Variants in PCDH9 observed in about 807,000 individuals in gnomAD.
PCDH9 encodes protocadherin-9.
Under a neutral mutation model 70.6 loss-of-function variants are expected in PCDH9, and 24 were observed. The observed-to-expected ratio is 0.34, with a 90% CI of 0.25 to 0.48. PCDH9 has a LOEUF of 0.48. PCDH9 is among the 20% of genes least tolerant of loss of function. PCDH9 has a pLI of 0.99. For synonymous variants in PCDH9, 562 were observed against 558.5 expected, an observed-to-expected ratio of 1.01 and a Z score of -0.09; for missense variants, 1,281 against 1,503.6, an observed-to-expected ratio of 0.85 and a Z score of 2.45.
intron 4 of PCDH9, among the ~76,000 whole-genome samples, chr13:66,361,528 T>A (rs1275093960): frequency 6.6e-6 from 1 of 152,122 alleles, no homozygotes; most frequent in Admixed American, 6.6e-5. Flanking sequence ...AACAGGATTT[T>A]TTTTCTAAGA....
At chr13:66,438,486 A>C (rs937493052) in intron 4 of PCDH9, among the ~76,000 whole-genome samples, 5 of 152,174 alleles carry the variant, frequency 3.3e-5, no homozygotes, top group African/African-American at 1.2e-4. Flanking sequence ...TATTTGAATC[A>C]CATTTCTAGG....
intron 3 of PCDH9, among the ~76,000 whole-genome samples, chr13:66,817,883 C>T (rs2080636958): frequency 6.6e-6 from 1 of 152,156 alleles, no homozygotes; most frequent in Admixed American, 6.5e-5. Flanking sequence ...TGGCCTTTGC[C>T]TTCCAAAGTG....
At position 66,481,761 on chromosome 13, in the gene PCDH9, T is replaced by G. The variant is rs117943183; in HGVS notation, c.3340+149449A>C. On this transcript the variant is annotated intron_variant, in intron 4 of 4. Coordinates refer to ENST00000377865, the MANE Select transcript of PCDH9 (RefSeq NM_203487.3). ...TAGTTGTAGATCTAATTACAAATAT[T>G]CTGTCTTTGAGAAAATAATTGACAA... is the stretch of plus-strand genomic sequence containing the variant. 4.5e-3 allele frequency among the ~76,000 whole-genome samples: 692 copies of G among 152,220 alleles called. 28 individuals carry two copies. The East Asian group carries it at 0.088, about 19-fold the overall frequency.
chr13:66,884,698 A>G (rs2081979355), intron 3 of PCDH9, among the ~76,000 whole-genome samples: 1 of 152,232 alleles, frequency 6.6e-6, no homozygotes, highest in South Asian at 2.1e-4. Flanking sequence ...GTATTCAAAT[A>G]GAAGAGATAC....
In PCDH9 at chr13:67,226,854, T is replaced by A; in HGVS notation, c.1587A>T (p.Val529=). 1 of 1,614,214 alleles carries A rather than the reference T, an allele frequency of 6.2e-7. No homozygotes were observed. The highest frequency in any genetic ancestry group is 8.5e-7 in the Non-Finnish European group (1 of 1,180,030). ...RKTGVLTASR[V]FDREEQERFI... is the part of the protein sequence containing the mutation. ...ATCGTTCTTGTTCTTCTCTGTCAAA[T>A]ACTCTGGAGGCTGTCAAAACTCCTG... The change falls in exon 2 of 5, where the codon GTA becomes GTT. Residue 529 remains valine (V), a synonymous_variant. Coordinates refer to ENST00000377865, the MANE Select transcript of PCDH9 (RefSeq NM_203487.3). This position sits in a 1 kb window ranked among gnomAD's most constrained non-coding sequence, Gnocchi z 5.0.
At chr13:66,561,733 G>A (rs1962048276) in intron 4 of PCDH9, among the ~76,000 whole-genome samples, 1 of 152,004 alleles carries the variant, frequency 6.6e-6, no homozygotes, top group Non-Finnish European at 1.5e-5. Context: ...GTTGTGTCTA[G>A]CTCAGGGATT....
At chr13:66,738,512 G>A (rs751491435) in intron 3 of PCDH9, among the ~76,000 whole-genome samples, 1,905 of 142,976 alleles carry the variant, frequency 0.013, 25 homozygotes, top group Non-Finnish European at 0.017. Context: ...GACGAGCTGA[G>A]AGAAGAAGGC....
intron 2 of PCDH9, among the ~76,000 whole-genome samples, chr13:67,199,496 C>A (rs889422848): frequency 7.3e-5 from 11 of 151,662 alleles, no homozygotes; most frequent in Non-Finnish European, 1.5e-4. Flanking sequence ...AATTAAGTGA[C>A]GAACATTATT....
At chr13:66,790,341 C>A (rs7330210) in intron 3 of PCDH9, among the ~76,000 whole-genome samples, 1,730 of 152,106 alleles carry the variant, frequency 0.011, 32 homozygotes, top group African/African-American at 0.04. Flanking sequence ...GGATAGTAAT[C>A]ATTCATGAGT....
At chr13:66,745,203 T>A (rs1465487364) in intron 3 of PCDH9, among the ~76,000 whole-genome samples, 1 of 152,176 alleles carries the variant, frequency 6.6e-6, no homozygotes, top group Non-Finnish European at 1.5e-5. Context: ...CTACCGAGTA[T>A]TGTTGTTGAT....
rs112052964 is a variant in PCDH9 at position 67,172,222 on chromosome 13, C to T, written c.3036+53183G>A. Among the ~76,000 whole-genome samples the T allele has an allele frequency of 8.1e-3, 1,240 of 152,236 alleles. 12 individuals carry two copies. The highest frequency in any genetic ancestry group is 0.027 in the African/African-American group (1,116 of 41,550). ...ACTATATCTAGCATGATTGTTCTCA[C>T]GGCATCCCCTGGGAGAAAGTAGAAC... On this transcript the variant is annotated intron_variant, in intron 2 of 4. Coordinates refer to ENST00000377865, the MANE Select transcript of PCDH9 (RefSeq NM_203487.3).
chr13:66,372,334 A>G (rs1593873607), intron 4 of PCDH9, among the ~76,000 whole-genome samples: 1 of 151,912 alleles, frequency 6.6e-6, no homozygotes, highest in East Asian at 1.9e-4. Flanking sequence ...ATGGTTTCAG[A>G]ATTCTATCTG....
rs141600429 is a variant in PCDH9, at chr13:66,799,604, A to G, written c.3138+103900T>C. Among the ~76,000 whole-genome samples, 443 of 152,330 alleles carry G rather than the reference A, an allele frequency of 2.9e-3. 8 individuals are homozygous for G. The highest frequency in any genetic ancestry group is 0.025 in the Admixed American group (383 of 15,294). On this transcript the variant is annotated intron_variant, in intron 3 of 4. Transcript: ENST00000377865. ...ATAAGTTATTCTCAGAGAATAAGAAATGTCTATATATTGTCTGTTTTGAGC... is the reference window on the plus strand; with the variant it reads ...ATAAGTTATTCTCAGAGAATAAGAAGTGTCTATATATTGTCTGTTTTGAGC...
intron 3 of PCDH9, among the ~76,000 whole-genome samples, chr13:66,756,441 T>A (rs1040976376): frequency 1.1e-4 from 17 of 152,176 alleles, no homozygotes; most frequent in Non-Finnish European, 2.2e-4. Flanking sequence ...AATTAAAGAC[T>A]GCAAGGAGAT....
intron 4 of PCDH9, among the ~76,000 whole-genome samples, chr13:66,515,969 G>A (rs1352834620): frequency 6.6e-6 from 1 of 151,810 alleles, no homozygotes; most frequent in Non-Finnish European, 1.5e-5. Flanking sequence ...AGTTTACAAG[G>A]GAACATCTTT....
intron 2 of PCDH9, among the ~76,000 whole-genome samples, chr13:67,022,237 C>T (rs1418364290): frequency 6.7e-6 from 1 of 148,714 alleles, no homozygotes; most frequent in Non-Finnish European, 1.5e-5. Context: ...GTTCTCCTCA[C>T]TCAGCCTCCC....
At chr13:66,620,767 A>T (rs965802667) in intron 4 of PCDH9, among the ~76,000 whole-genome samples, 1 of 152,118 alleles carries the variant, frequency 6.6e-6, no homozygotes, top group Non-Finnish European at 1.5e-5. Flanking sequence ...ATAGAACAAA[A>T]TTGCAAAACA....
intron 4 of PCDH9, among the ~76,000 whole-genome samples, chr13:66,556,013 AAGAC>A (rs145419566): frequency 0.033 from 4,937 of 149,606 alleles, 235 homozygotes; most frequent in African/African-American, 0.11. Flanking sequence ...TTTCTACTGA[AAGAC>A]AGAGAACACA....
intron 3 of PCDH9, among the ~76,000 whole-genome samples, chr13:66,835,056 G>A (rs1391615264): frequency 6.6e-6 from 1 of 152,200 alleles, no homozygotes; most frequent in Non-Finnish European, 1.5e-5. Context: ...ACTGGGCTTG[G>A]TTCTGTGGAG....
Sources: gnomAD v4.1 joint callset for allele counts (sites outside exome capture counted in the v4.1 genomes callset) on GRCh38, gnomAD v4.1.1 for gene constraint, Gnocchi (gnomAD v3.1) non-coding constraint, MANE v1.5 for transcripts, NCBI Gene and HGNC (gene_info 2026-07-23, HGNC 2026-07-21) for gene names.